HEATR5B: variants seen among roughly 807,000 people sequenced by gnomAD.
The protein encoded by HEATR5B is HEAT repeat containing 5B, also known as HEAT repeat-containing protein 5B.
In HEATR5B, 156 loss-of-function variants were observed where a neutral mutation model predicts 224.1. The ratio of observed to expected loss-of-function variants is 0.70; its 90% CI spans 0.61 to 0.80. The LOEUF is 0.80. HEATR5B is among the 30% of genes least tolerant of loss of function. The pLI is 0.00. For missense variants in HEATR5B, 2,323 were observed against 2,535.5 expected (o/e 0.92, Z 1.80); for synonymous variants, 1,027 against 893.0 (o/e 1.15, Z -2.68).
intron 2 of HEATR5B, 42 bp downstream of exon 2, chr2:37,083,247 T>C (rs747971643): frequency 1.9e-6 from 3 of 1,609,180 alleles, no homozygotes; most frequent in African/African-American, 2.7e-5. Flanking sequence ...CCACATAATC[T>C]CTTCACGTTA....
intron 3 of HEATR5B, among the ~76,000 whole-genome samples, chr2:37,077,819 C>A (rs1672326013): frequency 6.6e-6 from 1 of 152,216 alleles, no homozygotes; most frequent in African/African-American, 2.4e-5. Flanking sequence ...CACATATTTG[C>A]ATTGCTCACA....
intron 34 of HEATR5B, among the ~76,000 whole-genome samples, chr2:36,989,176 C>T (rs1270378987): frequency 6.6e-6 from 1 of 152,174 alleles, no homozygotes; most frequent in Non-Finnish European, 1.5e-5. Context: ...ATCTCTGCCT[C>T]CCGGGTTCAA....
chr2:37,056,616 C>G lies in HEATR5B; in HGVS notation c.2224-1G>C. Reference sequence around the variant, plus strand: ...TTCCAGAGGCACTGTTTGGCTGGAGCTGCAAAAGAGTGAAATAAAAATTAT... The same window carrying G: ...TTCCAGAGGCACTGTTTGGCTGGAGGTGCAAAAGAGTGAAATAAAAATTAT... On this transcript the variant is annotated splice_acceptor_variant, in intron 15 of 35. Transcript: ENST00000233099. LOFTEE classifies it high-confidence loss of function. 1 of 1,580,816 alleles carries G rather than the reference C, an allele frequency of 6.3e-7. No individual in the cohort carries two copies. The highest frequency in any genetic ancestry group is 8.6e-7 in the Non-Finnish European group (1 of 1,166,276).
rs553019545 is a variant in HEATR5B, at chr2:37,077,574, T to C, written c.339-555A>G. ...CCGCCTGCCTCGGCCTCCCAAAGTG[T>C]TGGGATTACAGGCGTGAGCCACAGC... On this transcript the variant is annotated intron_variant, in intron 3 of 35. Transcript: ENST00000233099. Among the ~76,000 whole-genome samples the C allele has an allele frequency of 3.5e-3, 535 of 152,320 alleles. 5 individuals carry two copies. Among genetic ancestry groups the C allele is most frequent in the African/African-American group, 0.012 (493 of 41,580 alleles).
In HEATR5B at chr2:36,981,730, A is replaced by G. The variant is rs773548804; in HGVS notation, c.5976T>C (p.Phe1992=). 10 of 1,614,004 alleles carry G rather than the reference A, an allele frequency of 6.2e-6. No individual in the cohort carries two copies. The Admixed American group carries it at 1.5e-4, about 24-fold the overall frequency. The change falls in exon 36 of 36, where the codon TTT becomes TTC. Residue 1992 remains phenylalanine, a synonymous_variant. Transcript: ENST00000233099. The part of the protein sequence containing the change: ...LISYLLDENS[F]ASASSASKDL... ...CTTTGGAAGCTGAACTTGCTGAGGC[A>G]AAAGAATTTTCATCCAGCAGGTAAG...
At chr2:36,984,860 T>TTA (rs2148316150) in intron 35 of HEATR5B, among the ~76,000 whole-genome samples, 1 of 152,310 alleles carries the variant, frequency 6.6e-6, no homozygotes, top group Non-Finnish European at 1.5e-5. Context: ...TATAGTTATC[T>TTA]ATTTAGGAGG....
chr2:37,072,211 CAG>C lies in HEATR5B; in HGVS notation c.666_667del (p.Cys223LeufsTer2). Reference sequence around the variant, plus strand: ...ATTTGAGTTTTCCAAAGCCTTAAAGCAGAGAGTGGCTATATTTTCTAGTTCAG... The same window carrying C: ...ATTTGAGTTTTCCAAAGCCTTAAAGCAGAGTGGCTATATTTTCTAGTTCAG... On this transcript the variant is annotated frameshift_variant, in exon 6 of 36. Coordinates refer to ENST00000233099, the MANE Select transcript of HEATR5B (RefSeq NM_019024.3). LOFTEE classifies it high-confidence loss of function. The C allele has an allele frequency of 6.2e-7, 1 of 1,613,670 alleles. No individual in the cohort carries two copies. The highest frequency in any genetic ancestry group is 1.6e-4 in the Middle Eastern group (1 of 6,062).
At chr2:37,075,686 A>C in intron 4 of HEATR5B, 52 bp from the exon 5 acceptor site, 1 of 1,468,352 alleles carries the variant, frequency 6.8e-7, no homozygotes. Context: ...TCCATATTTA[A>C]ACAAGAACAC....
chr2:37,041,756 T>TA (rs1360290581), intron 18 of HEATR5B, among the ~76,000 whole-genome samples: 1 of 146,584 alleles, frequency 6.8e-6, no homozygotes, highest in Non-Finnish European at 1.5e-5. Flanking sequence ...ATAATAATAA[T>TA]ATTAATAATA....
intron 35 of HEATR5B, among the ~76,000 whole-genome samples, chr2:36,988,432 T>C (rs1339018968): frequency 6.6e-6 from 1 of 152,068 alleles, no homozygotes; most frequent in East Asian, 1.9e-4. Flanking sequence ...CAGCTAATTT[T>C]TGTATTATTA....
intron 10 of HEATR5B, among the ~76,000 whole-genome samples, chr2:37,063,775 CAGAA>C (rs1349887725): frequency 1.3e-5 from 2 of 151,978 alleles, no homozygotes; most frequent in African/African-American, 2.4e-5. Context: ...TAGTATACAA[CAGAA>C]AGAAAGGAGA....
chr2:37,059,408 G>A (rs759221249), intron 12 of HEATR5B, among the ~76,000 whole-genome samples: 1,377 of 31,698 alleles, frequency 0.043, 45 homozygotes, highest in South Asian at 0.076. Context: ...ATATGTATAT[G>A]TGTGTGTGTG....
At chr2:37,072,801 G>A (rs909768319) in intron 5 of HEATR5B, among the ~76,000 whole-genome samples, 8 of 151,404 alleles carry the variant, frequency 5.3e-5, no homozygotes, top group South Asian at 2.1e-4. Context: ...AAATGAGAGA[G>A]GTCAAATCAC....
At chr2:36,984,318 A>G (rs937111010) in intron 35 of HEATR5B, among the ~76,000 whole-genome samples, 1 of 150,122 alleles carries the variant, frequency 6.7e-6, no homozygotes, top group Non-Finnish European at 1.5e-5. Context: ...ATGTTACATA[A>G]TTTGTTTCTA....
At chr2:37,053,872 T>C (rs914834170) in intron 16 of HEATR5B, among the ~76,000 whole-genome samples, 3 of 151,694 alleles carry the variant, frequency 2.0e-5, no homozygotes, top group Non-Finnish European at 2.9e-5. Flanking sequence ...TTAACAGCAC[T>C]GTCCAACAAA....
chr2:37,066,176 T>C (rs988244484), intron 8 of HEATR5B, among the ~76,000 whole-genome samples: 1 of 152,188 alleles, frequency 6.6e-6, no homozygotes, highest in African/African-American at 2.4e-5. Context: ...GCAGCAGCAA[T>C]CCAGTGTATA....
At chr2:37,020,262 G>T (rs1028108658) in intron 25 of HEATR5B, among the ~76,000 whole-genome samples, 7 of 152,036 alleles carry the variant, frequency 4.6e-5, no homozygotes, top group African/African-American at 1.7e-4. Flanking sequence ...TTATACAAGG[G>T]GCAACTGCTA....
intron 27 of HEATR5B, among the ~76,000 whole-genome samples, chr2:37,010,768 C>A (rs981819801): frequency 1.3e-5 from 2 of 152,050 alleles, no homozygotes; most frequent in Non-Finnish European, 2.9e-5. Flanking sequence ...TCCTTCTCAG[C>A]CTCCCCAAGT....
intron 7 of HEATR5B, 115 bp from the exon 8 acceptor site, chr2:37,069,045 GC>G (rs1327127185): frequency 1.8e-6 from 2 of 1,089,272 alleles, no homozygotes; most frequent in Non-Finnish European, 1.3e-6. Context: ...TGTATTTGAG[GC>G]TAAAACAGAG....
Sources: gnomAD v4.1 joint callset for allele counts (sites outside exome capture counted in the v4.1 genomes callset) on GRCh38, gnomAD v4.1.1 for gene constraint, MANE v1.5 for transcripts, NCBI Gene and HGNC (gene_info 2026-07-23, HGNC 2026-07-21) for gene names.